Variants in SETD3 observed in about 807,000 individuals in gnomAD.
The protein encoded by SETD3 is actin-histidine N-methyltransferase.
SETD3 carries 19 observed loss-of-function variants against 63.0 expected under a neutral mutation model. That is an observed-to-expected ratio of 0.30 (90% CI 0.21 to 0.44). The LOEUF is 0.44. Among genes scored for constraint, SETD3 ranks in the 20% least tolerant of loss-of-function variants. The pLI is 1.00. For synonymous variants in SETD3, 286 were observed against 264.1 expected (o/e 1.08, Z -0.80); for missense variants, 587 against 728.5 (o/e 0.81, Z 2.24).
intron 6 of SETD3, among the ~76,000 whole-genome samples, chr14:99,435,934 T>C (rs1252453558): frequency 6.6e-6 from 1 of 152,118 alleles, no homozygotes; most frequent in Non-Finnish European, 1.5e-5. Flanking sequence ...CGGGGTAGTT[T>C]ATAAAGCTAA....
At chr14:99,410,326 A>C (rs186130381) in intron 8 of SETD3, 12 of 1,429,960 alleles carry the variant, frequency 8.4e-6, no homozygotes, top group Admixed American at 4.0e-5. Context: ...GGCTTTTGAG[A>C]CTGTAAGACT....
At chr14:99,466,672 G>A (rs895142230) in intron 1 of SETD3, among the ~76,000 whole-genome samples, 22 of 151,966 alleles carry the variant, frequency 1.4e-4, no homozygotes, top group Admixed American at 9.8e-4. Flanking sequence ...CGTGAGGGAA[G>A]CACAGTGAGG....
chr14:99,421,807 G>A (rs554756144), intron 6 of SETD3, among the ~76,000 whole-genome samples: 2 of 152,292 alleles, frequency 1.3e-5, no homozygotes, highest in East Asian at 3.9e-4. Context: ...AATAAATGAT[G>A]AGGCTAGGCA....
chr14:99,432,867 C>T (rs1453376437), intron 6 of SETD3, among the ~76,000 whole-genome samples: 1 of 152,102 alleles, frequency 6.6e-6, no homozygotes, highest in Non-Finnish European at 1.5e-5. Context: ...TCTCTATTCC[C>T]CCAAGGGATC....
chr14:99,443,052 G>C (rs938418917), intron 6 of SETD3, among the ~76,000 whole-genome samples: 1 of 152,134 alleles, frequency 6.6e-6, no homozygotes, highest in East Asian at 1.9e-4. Context: ...CTTCTGATAG[G>C]GAGAGTTACA....
At chr14:99,437,574 G>T (rs1893554088) in intron 6 of SETD3, among the ~76,000 whole-genome samples, 1 of 152,310 alleles carries the variant, frequency 6.6e-6, no homozygotes, top group South Asian at 2.1e-4. Flanking sequence ...CGTCAGTGGT[G>T]CTTGATAACA....
intron 6 of SETD3, among the ~76,000 whole-genome samples, chr14:99,432,678 A>C (rs2139694427): frequency 6.6e-6 from 1 of 152,362 alleles, no homozygotes; most frequent in South Asian, 2.1e-4. Flanking sequence ...TAACAGTGAC[A>C]CACAAAGCAA....
chr14:99,453,743 T>G (rs999365399), intron 6 of SETD3, among the ~76,000 whole-genome samples: 1 of 151,904 alleles, frequency 6.6e-6, no homozygotes, highest in African/African-American at 2.4e-5. Context: ...GGAGAATTGC[T>G]TGAACCCGGG....
At chr14:99,431,225 T>A (rs1008997751) in intron 6 of SETD3, among the ~76,000 whole-genome samples, 2 of 152,332 alleles carry the variant, frequency 1.3e-5, no homozygotes, top group African/African-American at 4.8e-5. Flanking sequence ...TTTGTGAAGA[T>A]TTATACTTCA....
intron 6 of SETD3, among the ~76,000 whole-genome samples, chr14:99,456,565 C>CT (rs569531356): frequency 6.9e-4 from 105 of 152,290 alleles, no homozygotes; most frequent in South Asian, 6.6e-3. Flanking sequence ...AGAATGTTCT[C>CT]TAATTCCTGA....
intron 6 of SETD3, among the ~76,000 whole-genome samples, chr14:99,414,301 C>T (rs1026132464): frequency 3.9e-5 from 6 of 152,270 alleles, no homozygotes; most frequent in African/African-American, 1.4e-4. Flanking sequence ...TCCATCCTGG[C>T]CCCGCTCTGC....
intron 6 of SETD3, among the ~76,000 whole-genome samples, chr14:99,435,403 A>G (rs1005740958): frequency 1.3e-5 from 2 of 151,916 alleles, no homozygotes; most frequent in Non-Finnish European, 2.9e-5. Flanking sequence ...TTTTATTGAC[A>G]TTTAGCTTCT....
intron 12 of SETD3, 83 bp from the exon 13 acceptor site, chr14:99,399,208 G>A: frequency 8.1e-7 from 1 of 1,241,624 alleles, no homozygotes. Context: ...CTGGGGATGG[G>A]GACATGAGGG....
chr14:99,448,606 C>T (rs1894272406), intron 6 of SETD3, among the ~76,000 whole-genome samples: 2 of 152,150 alleles, frequency 1.3e-5, no homozygotes, highest in Admixed American at 6.5e-5. Flanking sequence ...TCTAGATTCA[C>T]GGCTCATCAA....
intron 6 of SETD3, among the ~76,000 whole-genome samples, chr14:99,417,686 A>G (rs776295524): frequency 5.3e-5 from 8 of 152,272 alleles, no homozygotes; most frequent in Non-Finnish European, 2.9e-5. Context: ...TCCCTAATTC[A>G]GAAACATCTA....
At chr14:99,454,226 G>A (rs964079138) in intron 6 of SETD3, among the ~76,000 whole-genome samples, 1 of 151,616 alleles carries the variant, frequency 6.6e-6, no homozygotes, top group African/African-American at 2.4e-5. Context: ...ATCTTGCTCT[G>A]TTGCCCAAGC....
rs191201405 is a variant in SETD3 at position 99,461,400 on chromosome 14, G to A, written c.197-60C>T. 2.3e-3 allele frequency: 3,451 copies of A among 1,531,132 alleles called. 7 individuals carry two copies. The highest frequency in any genetic ancestry group is 3.0e-3 in the Admixed American group (151 of 50,626). The allele number at this position is 1,531,132 out of a possible 1,614,324, so 94.8% of individuals were successfully genotyped here. A position where few individuals can be genotyped will look rare whatever the true frequency, so the allele number is the denominator to read the frequency against. ...CTTTTAGGACACATATCATTCACAC[G>A]TCTCTCAGAAAATAAAAACAGGCCA... is the stretch of plus-strand genomic sequence containing the variant. On this transcript the variant is annotated intron_variant, in intron 3 of 12. Transcript: ENST00000331768.
upstream of SETD3, among the ~76,000 whole-genome samples, chr14:99,482,042 G>A (rs1194971897): frequency 1.3e-5 from 2 of 152,190 alleles, no homozygotes; most frequent in East Asian, 3.9e-4. Context: ...GGTTGATTTG[G>A]TTTGTTATGA....
intron 2 of SETD3, among the ~76,000 whole-genome samples, chr14:99,464,675 C>A (rs575132729): frequency 6.6e-6 from 1 of 152,352 alleles, no homozygotes; most frequent in South Asian, 2.1e-4. Flanking sequence ...ATAATCTAAA[C>A]ATGGACAAAG....
Sources: allele counts gnomAD v4.1 joint callset (sites outside exome capture counted in the v4.1 genomes callset), GRCh38; gene constraint gnomAD v4.1.1; transcripts MANE v1.5; gene names NCBI Gene and HGNC (gene_info 2026-07-23, HGNC 2026-07-21).